NUBPL: variants seen among roughly 807,000 people sequenced by gnomAD.
The protein encoded by NUBPL is NUBP iron-sulfur cluster assembly factor, mitochondrial, also known as iron-sulfur cluster transfer protein NUBPL.
In NUBPL, 31 loss-of-function variants were observed where a neutral mutation model predicts 45.7. The ratio of observed to expected loss-of-function variants is 0.68; its 90% confidence interval spans 0.51 to 0.92. The LOEUF (loss-of-function observed/expected upper bound fraction) is 0.92, where lower values mean the gene tolerates loss of function less well. Among genes scored for constraint, NUBPL ranks in the 40% least tolerant of loss-of-function variants. The pLI is 0.00. For synonymous variants in NUBPL, 144 were observed against 140.9 expected (o/e 1.02, Z -0.15); for missense variants, 401 against 398.7 (o/e 1.01, Z -0.05).
intron 4 of NUBPL, among the ~76,000 whole-genome samples, chr14:31,650,087 G>A (rs1235153534): frequency 6.6e-6 from 1 of 151,896 alleles, no homozygotes; most frequent in Non-Finnish European, 1.5e-5. Flanking sequence ...ACAAACTCCC[G>A]ACCTCAGGTG....
At chr14:31,639,809 C>T (rs933608565) in intron 4 of NUBPL, among the ~76,000 whole-genome samples, 2 of 152,160 alleles carry the variant, frequency 1.3e-5, no homozygotes, top group South Asian at 4.1e-4. Flanking sequence ...CCCCCAGCCT[C>T]GCTGCCACCT....
chr14:31,673,320 A>G (rs1189586532), intron 4 of NUBPL, 35 bp from the exon 5 acceptor site: 1 of 1,538,286 alleles, frequency 6.5e-7, no homozygotes, highest in South Asian at 1.2e-5. Flanking sequence ...GTTGTGTTTT[A>G]TTGTTCTAAA....
At chr14:31,691,472 T>C (rs1354693236) in intron 6 of NUBPL, among the ~76,000 whole-genome samples, 1 of 152,186 alleles carries the variant, frequency 6.6e-6, no homozygotes, top group East Asian at 1.9e-4. Context: ...AGGGGATCAG[T>C]ATTTCTAAGC....
intron 7 of NUBPL, among the ~76,000 whole-genome samples, chr14:31,817,023 C>T (rs557183873): frequency 3.8e-4 from 58 of 151,716 alleles, no homozygotes; most frequent in Admixed American, 9.2e-4. Context: ...ACGAGAACTT[C>T]GTGAAGCATT....
At position 31,589,221 on chromosome 14, in the gene NUBPL, T is replaced by C. The variant is rs1293516660; in HGVS notation, c.292-10068T>C. Reference sequence around the variant, plus strand: ...TATAGCATCATTTTCTAGGTAATAATAATTATGGTGCCTTGATAATTTTTC... The same window carrying C: ...TATAGCATCATTTTCTAGGTAATAACAATTATGGTGCCTTGATAATTTTTC... On this transcript the variant is annotated intron_variant, in intron 3 of 10. Coordinates refer to ENST00000281081, the MANE Select transcript of NUBPL (RefSeq NM_025152.3). Among the ~76,000 whole-genome samples, 5 of 152,254 alleles carry C rather than the reference T, an allele frequency of 3.3e-5. No homozygotes were observed. In the South Asian group the frequency reaches 1.0e-3, roughly 32 times the overall value.
At chr14:31,735,758 A>G (rs2038152456) in intron 6 of NUBPL, among the ~76,000 whole-genome samples, 1 of 152,186 alleles carries the variant, frequency 6.6e-6, no homozygotes, top group Non-Finnish European at 1.5e-5. Flanking sequence ...AGGCTGAGGC[A>G]GGAAAATTGC....
chr14:31,562,124 A>C lies in NUBPL; in HGVS notation c.165A>C (p.Arg55=). 6.2e-7 allele frequency: 1 copy of C among 1,613,714 alleles called. No individual in the cohort carries two copies. The highest frequency in any genetic ancestry group is 8.5e-7 in the Non-Finnish European group (1 of 1,179,714). ...AAAGAAGAACACAAATCATGTCCCG[A>C]GGACTTCCAAAGCAGAAACCGATAG... ...LKQRRTQIMS[R]GLPKQKPIEG... Residue 55 remains arginine (R), a synonymous_variant, in exon 2 of 11, where the codon CGA becomes CGC. Coordinates refer to ENST00000281081, the MANE Select transcript of NUBPL (RefSeq NM_025152.3).
At chr14:31,692,963 T>G (rs910915153) in intron 6 of NUBPL, among the ~76,000 whole-genome samples, 10 of 152,182 alleles carry the variant, frequency 6.6e-5, no homozygotes, top group African/African-American at 2.4e-4. Flanking sequence ...TTTCCCTGCT[T>G]AATATTTGCA....
intron 6 of NUBPL, among the ~76,000 whole-genome samples, chr14:31,710,569 G>A (rs2037548010): frequency 6.6e-6 from 1 of 152,158 alleles, no homozygotes; most frequent in African/African-American, 2.4e-5. Context: ...ATCAGATTTA[G>A]TGGCTGTTAC....
At chr14:31,758,122 A>G (rs1566545600) in intron 6 of NUBPL, among the ~76,000 whole-genome samples, 2 of 151,988 alleles carry the variant, frequency 1.3e-5, no homozygotes, top group Non-Finnish European at 2.9e-5. Context: ...TTTTATATTT[A>G]TTGATAGTTT....
chr14:31,677,744 C>A (rs1306578223), intron 6 of NUBPL, among the ~76,000 whole-genome samples: 1 of 152,212 alleles, frequency 6.6e-6, no homozygotes, highest in East Asian at 1.9e-4. Flanking sequence ...ACTGTGACTG[C>A]ACTAGTCAGA....
chr14:31,837,829 T>C (rs2040306078), intron 8 of NUBPL, among the ~76,000 whole-genome samples: 1 of 151,964 alleles, frequency 6.6e-6, no homozygotes, highest in Non-Finnish European at 1.5e-5. Flanking sequence ...GCAATGCAAA[T>C]TAAAACCATA....
At chr14:31,640,926 C>A (rs2035675752) in intron 4 of NUBPL, among the ~76,000 whole-genome samples, 1 of 149,950 alleles carries the variant, frequency 6.7e-6, no homozygotes, top group South Asian at 2.2e-4. Context: ...CTATTGAATA[C>A]CAGGTCTTAT....
intron 6 of NUBPL, among the ~76,000 whole-genome samples, chr14:31,749,896 A>G (rs920409505): frequency 5.3e-5 from 8 of 151,694 alleles, no homozygotes; most frequent in Non-Finnish European, 1.2e-4. Flanking sequence ...ATTCTTTTTT[A>G]TTCTCCTTTT....
At chr14:31,703,102 A>G (rs1004584799) in intron 6 of NUBPL, 1 of 152,180 alleles carries the variant, frequency 6.6e-6, no homozygotes, top group African/African-American at 2.4e-5. Flanking sequence ...TTATATTCTT[A>G]TATTCTTTTT....
chr14:31,601,747 T>C (rs1177889198), intron 4 of NUBPL, among the ~76,000 whole-genome samples: 1 of 152,100 alleles, frequency 6.6e-6, no homozygotes, highest in Admixed American at 6.6e-5. Flanking sequence ...CAACAGGTGC[T>C]GGAGAGGATG....
At chr14:31,666,261 A>ATT (rs764274831) in intron 4 of NUBPL, among the ~76,000 whole-genome samples, 43,485 of 90,484 alleles carry the variant, frequency 0.48, 10,732 homozygotes, top group South Asian at 0.56. Flanking sequence ...ATATATATAT[A>ATT]TAATTTTATT....
intron 4 of NUBPL, among the ~76,000 whole-genome samples, chr14:31,650,030 T>C (rs1169326845): frequency 6.6e-6 from 1 of 151,750 alleles, no homozygotes; most frequent in Non-Finnish European, 1.5e-5. Context: ...CGGCTAATTT[T>C]GTATTTTTAG....
chr14:31,699,309 A>G (rs1419571145), intron 6 of NUBPL, among the ~76,000 whole-genome samples: 1 of 152,250 alleles, frequency 6.6e-6, no homozygotes, highest in Non-Finnish European at 1.5e-5. Context: ...ATCAAATTAA[A>G]TAGGTTGAAT....
Sources: gnomAD v4.1 joint callset for allele counts (sites outside exome capture counted in the v4.1 genomes callset) on GRCh38, gnomAD v4.1.1 for gene constraint, MANE v1.5 for transcripts, NCBI Gene and HGNC (gene_info 2026-07-23, HGNC 2026-07-21) for gene names.